The following NDUFS4 variants were observed in gnomAD, a reference collection of about 807,000 sequenced individuals.
NDUFS4 encodes the protein NADH:ubiquinone oxidoreductase subunit S4.
In NDUFS4, 28 loss-of-function variants were observed where a neutral mutation model predicts 24.3. The observed-to-expected ratio is 1.15, with a 90% CI of 0.85 to 1.58. The LOEUF is 1.58. NDUFS4 is among the 40% of genes most tolerant of loss of function. The pLI, the probability that NDUFS4 is intolerant of heterozygous loss-of-function variation, is 0.00. For synonymous variants in NDUFS4, 93 were observed against 69.7 expected (o/e 1.34, Z -1.67); for missense variants, 223 against 207.9 (o/e 1.07, Z -0.45).
At chr5:53,644,464 A>G (rs938570371) in intron 2 of NDUFS4, among the ~76,000 whole-genome samples, 1 of 152,160 alleles carries the variant, frequency 6.6e-6, no homozygotes, top group Non-Finnish European at 1.5e-5. Flanking sequence ...ACTATGGCAG[A>G]TTGCAAGTAT....
At chr5:53,664,601 C>T (rs1281277199) in intron 4 of NDUFS4, among the ~76,000 whole-genome samples, 1 of 152,058 alleles carries the variant, frequency 6.6e-6, no homozygotes, top group Non-Finnish European at 1.5e-5. Flanking sequence ...TCACTGATAC[C>T]CTTTCTTCCA....
At chr5:53,642,122 T>C (rs577345511) in intron 2 of NDUFS4, among the ~76,000 whole-genome samples, 1 of 152,242 alleles carries the variant, frequency 6.6e-6, no homozygotes, top group East Asian at 1.9e-4. Context: ...TTTCTCTTCA[T>C]GACAAGTGTA....
At chr5:53,586,180 T>C (rs1749747991) in intron 1 of NDUFS4, among the ~76,000 whole-genome samples, 1 of 150,946 alleles carries the variant, frequency 6.6e-6, no homozygotes, top group Non-Finnish European at 1.5e-5. Flanking sequence ...AATACAAAAA[T>C]TAGCTGGGTG....
intron 4 of NDUFS4, among the ~76,000 whole-genome samples, chr5:53,661,229 T>G (rs1752334018): frequency 6.6e-6 from 1 of 152,166 alleles, no homozygotes. Flanking sequence ...GGCTAGCCAG[T>G]TTTCCCAGCA....
At chr5:53,661,552 C>T (rs1752343685) in intron 4 of NDUFS4, among the ~76,000 whole-genome samples, 1 of 152,132 alleles carries the variant, frequency 6.6e-6, no homozygotes, top group Non-Finnish European at 1.5e-5. Context: ...TCATTGGTAG[C>T]TTGATGGGAA....
At chr5:53,585,797 G>C (rs927895535) in intron 1 of NDUFS4, among the ~76,000 whole-genome samples, 1 of 150,952 alleles carries the variant, frequency 6.6e-6, no homozygotes, top group Non-Finnish European at 1.5e-5. Flanking sequence ...ACCTGTGCCT[G>C]TGTGTATTGT....
intron 4 of NDUFS4, among the ~76,000 whole-genome samples, chr5:53,675,378 G>C (rs1740431634): frequency 6.6e-6 from 1 of 151,848 alleles, no homozygotes; most frequent in Non-Finnish European, 1.5e-5. Context: ...TAGCCAGGAT[G>C]TTCTCGATTT....
intron 1 of NDUFS4, among the ~76,000 whole-genome samples, chr5:53,586,511 A>G (rs200306413): frequency 2.2e-5 from 2 of 89,412 alleles, no homozygotes; most frequent in South Asian, 8.9e-4. Flanking sequence ...TTAGTTAGTT[A>G]GTTTGTTTGT....
chr5:53,590,910 T>C (rs963448675), intron 1 of NDUFS4, among the ~76,000 whole-genome samples: 1 of 152,222 alleles, frequency 6.6e-6, no homozygotes, highest in Admixed American at 6.5e-5. Flanking sequence ...AACTGAAGTC[T>C]GTACCCATTA....
intron 4 of NDUFS4, among the ~76,000 whole-genome samples, chr5:53,675,392 G>C (rs1263416790): frequency 6.6e-6 from 1 of 151,994 alleles, no homozygotes; most frequent in Non-Finnish European, 1.5e-5. Context: ...TCGATTTCCT[G>C]ACCTCGTGAT....
chr5:53,611,759 G>A (rs562103186), intron 2 of NDUFS4, among the ~76,000 whole-genome samples: 5 of 151,990 alleles, frequency 3.3e-5, no homozygotes, highest in African/African-American at 4.8e-5. Context: ...TTTATTATGA[G>A]GGTAACTTTT....
chr5:53,594,872 TTGTGTGTG>T (rs60887057), intron 1 of NDUFS4, among the ~76,000 whole-genome samples: 3 of 148,532 alleles, frequency 2.0e-5, no homozygotes, highest in South Asian at 4.3e-4. Flanking sequence ...ATGTCTGTGT[TTGTGTGTG>T]TGTGTGTGTG....
intron 2 of NDUFS4, among the ~76,000 whole-genome samples, chr5:53,633,138 G>C (rs1751453016): frequency 6.6e-6 from 1 of 152,130 alleles, no homozygotes; most frequent in Admixed American, 6.5e-5. Context: ...TAATGTAACT[G>C]AGTGCTATAA....
At chr5:53,627,805 T>A (rs1751277103) in intron 2 of NDUFS4, among the ~76,000 whole-genome samples, 2 of 152,228 alleles carry the variant, frequency 1.3e-5, no homozygotes, top group Admixed American at 1.3e-4. Context: ...ACTTTCATGA[T>A]ACACAATAAT....
At chr5:53,620,982 A>T (rs1192003684) in intron 2 of NDUFS4, among the ~76,000 whole-genome samples, 1 of 152,176 alleles carries the variant, frequency 6.6e-6, no homozygotes, top group Non-Finnish European at 1.5e-5. Flanking sequence ...TGTTACTCAC[A>T]TTTTGTATAT....
chr5:53,631,209 G>A (rs563425153), intron 2 of NDUFS4, among the ~76,000 whole-genome samples: 39 of 152,258 alleles, frequency 2.6e-4, no homozygotes, highest in African/African-American at 7.2e-4. Context: ...TATCACCAGC[G>A]AATGCTGCAG....
Position 53,584,118 on chromosome 5 carries a change from C to T in NDUFS4, c.99-19334C>T, listed in dbSNP as rs114681277. ...TTTCTCCATGCATAGAAAAGTACTTCATATGTACCTTTTTCATAGAAATTA... is the reference window on the plus strand; with the variant it reads ...TTTCTCCATGCATAGAAAAGTACTTTATATGTACCTTTTTCATAGAAATTA... On this transcript the variant is annotated intron_variant, in intron 1 of 4. Transcript: ENST00000296684. Among the ~76,000 whole-genome samples the T allele has an allele frequency of 8.1e-3, 1,226 of 152,290 alleles. 18 individuals carry two copies. Among genetic ancestry groups the T allele is most frequent in the African/African-American group, 0.028 (1,145 of 41,568 alleles).
rs1371706467 is a variant in NDUFS4, at chr5:53,646,493, G to A, written c.350+88G>A. The A allele has an allele frequency of 7.3e-6, 10 of 1,364,884 alleles. No homozygotes were observed. In the Admixed American group the frequency reaches 1.5e-4, roughly 21 times the overall value. The allele number at this position is 1,364,884 out of a possible 1,614,324, so 84.5% of individuals were successfully genotyped here. ...AAATATGATTTTCAAACTCTTTTAT[G>A]TACAATATGCTTATGACAGTACTTT... On this transcript the variant is annotated intron_variant, in intron 3 of 4. Coordinates refer to ENST00000296684, the MANE Select transcript of NDUFS4 (RefSeq NM_002495.4).
chr5:53,586,792 G>C (rs896545621), intron 1 of NDUFS4, among the ~76,000 whole-genome samples: 20 of 151,916 alleles, frequency 1.3e-4, no homozygotes, highest in Admixed American at 1.3e-3. Flanking sequence ...TAAAGTGCTG[G>C]AATTACAGGC....
Sources: gnomAD v4.1 joint callset for allele counts (sites outside exome capture counted in the v4.1 genomes callset) on GRCh38, gnomAD v4.1.1 for gene constraint, MANE v1.5 for transcripts, NCBI Gene and HGNC (gene_info 2026-07-23, HGNC 2026-07-21) for gene names.